ACACB: variants seen among roughly 807,000 people sequenced by gnomAD.
ACACB encodes acetyl-CoA carboxylase 2.
Under a neutral mutation model 278.8 loss-of-function variants are expected in ACACB, and 209 were observed. The ratio of observed to expected loss-of-function variants is 0.75; its 90% CI spans 0.67 to 0.84. The LOEUF is 0.84. ACACB is among the 40% of genes least tolerant of loss of function. The probability of loss-of-function intolerance (pLI) is 0.00; values close to 1 mark genes in which losing one functional copy is unlikely to be tolerated. For synonymous variants in ACACB, 1,174 were observed against 1,285.6 expected, an observed-to-expected ratio of 0.91 and a Z score of 1.86; for missense variants, 2,850 against 3,269.0, an observed-to-expected ratio of 0.87 and a Z score of 3.13.
chr12:109,242,630 C>T (rs747110050), intron 37 of ACACB, 38 bp downstream of exon 37: 3 of 1,607,556 alleles, frequency 1.9e-6, no homozygotes, highest in Non-Finnish European at 8.5e-7. Context: ...CCCCTGGGTC[C>T]TCCCAGCAGA....
chr12:109,121,521 A>G (rs246086), intron 1 of ACACB, among the ~76,000 whole-genome samples: 143,921 of 152,222 alleles, frequency 0.95, 68,104 homozygotes, highest in African/African-American at 0.99. Context: ...GGAGGAAGAG[A>G]TCAGGGAACT....
At chr12:109,160,745 C>T (rs1281516294) in intron 2 of ACACB, among the ~76,000 whole-genome samples, 1 of 152,218 alleles carries the variant, frequency 6.6e-6, no homozygotes, top group Admixed American at 6.5e-5. Flanking sequence ...AAAATAGCCA[C>T]TTGCCTGGAG....
At chr12:109,141,501 C>G (rs1189249789) in intron 2 of ACACB, among the ~76,000 whole-genome samples, 1 of 152,132 alleles carries the variant, frequency 6.6e-6, no homozygotes, top group Non-Finnish European at 1.5e-5. Flanking sequence ...AGCCACCAAC[C>G]AAAACTTCAC....
intron 45 of ACACB, among the ~76,000 whole-genome samples, chr12:109,256,634 G>A (rs1455625972): frequency 6.6e-6 from 1 of 152,186 alleles, no homozygotes; most frequent in Non-Finnish European, 1.5e-5. Context: ...TTTCCAAGCT[G>A]GGCAGCTCAC....
At chr12:109,245,250 G>A (rs549507670) in intron 37 of ACACB, among the ~76,000 whole-genome samples, 1 of 152,126 alleles carries the variant, frequency 6.6e-6, no homozygotes, top group South Asian at 2.1e-4. Flanking sequence ...AGTGCAAAAC[G>A]ATATTGTATG....
chr12:109,211,158 T>C (rs1403635637), intron 21 of ACACB, among the ~76,000 whole-genome samples: 1 of 151,858 alleles, frequency 6.6e-6, no homozygotes. Context: ...CACCCACAAA[T>C]TGGTGATTTG....
intron 20 of ACACB, among the ~76,000 whole-genome samples, chr12:109,207,964 G>T (rs767241879): frequency 6.6e-6 from 1 of 152,120 alleles, no homozygotes; most frequent in African/African-American, 2.4e-5. Flanking sequence ...ACAGGCGTGA[G>T]CCACCGTGCC....
chr12:109,233,208 T>A (rs1342476478), intron 29 of ACACB, among the ~76,000 whole-genome samples: 1 of 151,830 alleles, frequency 6.6e-6, no homozygotes, highest in Non-Finnish European at 1.5e-5. Context: ...TTAAATGAGA[T>A]AACATATGTG....
At chr12:109,257,861 A>G (rs1354463685) in intron 45 of ACACB, among the ~76,000 whole-genome samples, 12 of 152,222 alleles carry the variant, frequency 7.9e-5, no homozygotes, top group Non-Finnish European at 2.9e-5. Context: ...ATAAGCCACC[A>G]TGCCCGGCTC....
intron 2 of ACACB, among the ~76,000 whole-genome samples, chr12:109,144,730 C>G (rs1417742614): frequency 8.1e-6 from 1 of 123,360 alleles, no homozygotes; most frequent in Admixed American, 8.2e-5. Context: ...TAGTTTCTTT[C>G]TTTTTCTTTT....
intron 46 of ACACB, among the ~76,000 whole-genome samples, chr12:109,258,650 G>T (rs2047295236): frequency 6.6e-6 from 1 of 152,190 alleles, no homozygotes; most frequent in Admixed American, 6.5e-5. Flanking sequence ...GCTAGGCCAG[G>T]GCACAGACTG....
chr12:109,150,969 T>A (rs1002723629), intron 2 of ACACB, among the ~76,000 whole-genome samples: 2 of 147,272 alleles, frequency 1.4e-5, no homozygotes, highest in Non-Finnish European at 3.0e-5. Context: ...TTCTTTTCTT[T>A]TCTTTTTTCT....
chr12:109,239,649 C>G (rs186653733), intron 34 of ACACB, among the ~76,000 whole-genome samples, 181 bp from the exon 35 acceptor site: 40 of 152,382 alleles, frequency 2.6e-4, no homozygotes, highest in Non-Finnish European at 4.1e-4. Flanking sequence ...TCAATACACT[C>G]AACAGCTTTG....
chr12:109,222,222 C>T (rs1251413731), intron 24 of ACACB, among the ~76,000 whole-genome samples: 4 of 152,006 alleles, frequency 2.6e-5, no homozygotes, highest in Non-Finnish European at 5.9e-5. Context: ...GTAACGTAGG[C>T]AGGGACTTAG....
intron 2 of ACACB, among the ~76,000 whole-genome samples, 173 bp downstream of exon 2, chr12:109,140,231 C>T (rs12817739): frequency 0.19 from 23,861 of 128,376 alleles, 3,729 homozygotes; most frequent in African/African-American, 0.41. Flanking sequence ...TCCTTCCTTC[C>T]TTCCTTCCTT....
chr12:109,128,447 C>T (rs1320320211), intron 1 of ACACB, among the ~76,000 whole-genome samples: 4 of 152,112 alleles, frequency 2.6e-5, no homozygotes, highest in African/African-American at 9.7e-5. Context: ...AAGTGATTCT[C>T]CCACCTCAGC....
chr12:109,229,275 A>G (rs2046403229), intron 28 of ACACB, among the ~76,000 whole-genome samples: 1 of 151,974 alleles, frequency 6.6e-6, no homozygotes, highest in African/African-American at 2.4e-5. Context: ...CTTATCCTCT[A>G]TCGGCCAAAA....
intron 21 of ACACB, among the ~76,000 whole-genome samples, chr12:109,211,014 G>T (rs16940056): frequency 0.066 from 10,092 of 151,796 alleles, 804 homozygotes; most frequent in African/African-American, 0.19. Context: ...TTACACATCG[G>T]CCTCGCGTTG....
intron 7 of ACACB, 116 bp downstream of exon 7, chr12:109,174,346 A>T: frequency 1.2e-6 from 1 of 815,472 alleles, no homozygotes; most frequent in Non-Finnish European, 1.8e-6. Flanking sequence ...AATGTTACTT[A>T]CTTTTATTTT....
Sources: gnomAD v4.1 joint callset for allele counts (sites outside exome capture counted in the v4.1 genomes callset) on GRCh38, gnomAD v4.1.1 for gene constraint, MANE v1.5 for transcripts, NCBI Gene and HGNC (gene_info 2026-07-23, HGNC 2026-07-21) for gene names.